MATK: variants seen among roughly 807,000 people sequenced by gnomAD.
MATK encodes megakaryocyte-associated tyrosine kinase, also known as megakaryocyte-associated tyrosine-protein kinase.
Under a neutral mutation model 59.8 loss-of-function variants are expected in MATK, and 41 were observed. The observed-to-expected ratio is 0.69, with a 90% confidence interval of 0.53 to 0.89. MATK has a LOEUF of 0.89. Among genes scored for constraint, MATK ranks in the 40% least tolerant of loss-of-function variants. MATK has a pLI of 0.00. For missense variants in MATK, 593 were observed against 719.6 expected (o/e 0.82, Z 2.01); for synonymous variants, 308 against 306.1 (o/e 1.01, Z -0.06).
chr19:3,789,137 G>A, upstream of MATK: 1 of 573,822 alleles, frequency 1.7e-6, no homozygotes, highest in South Asian at 2.1e-5. Context: ...AAAGGGCTGG[G>A]GACGCTGCAG....
chr19:3,791,327 C>A (rs909999680), upstream of MATK, among the ~76,000 whole-genome samples: 5 of 151,560 alleles, frequency 3.3e-5, no homozygotes, highest in Non-Finnish European at 7.4e-5. Flanking sequence ...CCAGTGGACA[C>A]AGTCATCTCT....
At chr19:3,781,699 G>C (rs780932610) in intron 7 of MATK, 27 bp from the exon 8 acceptor site, 19 of 1,594,248 alleles carry the variant, frequency 1.2e-5, no homozygotes, top group Non-Finnish European at 1.6e-5. Context: ...CAGTCAGAGG[G>C]GTAATGGGCC....
rs757154954 is a variant in MATK, at chr19:3,778,198, T to C, written c.1509A>G (p.Arg503=). 2 of 1,562,246 alleles carry C rather than the reference T, an allele frequency of 1.3e-6. No individual in the cohort carries two copies. The highest frequency in any genetic ancestry group is 1.7e-6 in the Non-Finnish European group (2 of 1,161,856). ...GQDADGSTSP[R]SQEP is the part of the protein sequence containing the mutation. ...CCGGGTGGGGTCAGGGCTCCTGGCT[T>C]CGGGGCGAGGTGGAGCCGTCGGCGT... Residue 503 remains arginine (R), a synonymous_variant, in exon 14 of 14, where the codon CGA becomes CGG. Transcript: ENST00000310132.
intron 8 of MATK, among the ~76,000 whole-genome samples, chr19:3,780,359 C>T (rs1014213073): frequency 6.6e-6 from 1 of 152,196 alleles, no homozygotes; most frequent in Non-Finnish European, 1.5e-5. Flanking sequence ...CCCTCGGGGC[C>T]AAATCTACCT....
intron 1 of MATK, among the ~76,000 whole-genome samples, chr19:3,798,347 G>T (rs577852761): frequency 6.6e-6 from 1 of 151,320 alleles, no homozygotes; most frequent in East Asian, 1.9e-4. Flanking sequence ...ACCACAGGGC[G>T]GCCTCACTGT....
At chr19:3,789,687 G>C (rs552269198), upstream of MATK, among the ~76,000 whole-genome samples, 3 of 151,936 alleles carry the variant, frequency 2.0e-5, no homozygotes, top group African/African-American at 7.2e-5. Flanking sequence ...GTAGCCTCAG[G>C]AGGGGGTGAG....
rs1282456980 is a variant in MATK at position 3,785,192 on chromosome 19, C to A, written c.-57G>T. 6.2e-7 allele frequency: 1 copy of A among 1,611,458 alleles called. No homozygotes were observed. Among genetic ancestry groups the A allele is most frequent in the Non-Finnish European group, 8.5e-7 (1 of 1,179,272 alleles). On this transcript the variant is annotated 5_prime_UTR_variant, in exon 2 of 14. Transcript: ENST00000310132. Reference sequence around the variant, plus strand: ...GGCACACTGAGCAAGTGGTCACAGTCGGGGACGCTGGGAATGGCCTGCCAC... The same window carrying A: ...GGCACACTGAGCAAGTGGTCACAGTAGGGGACGCTGGGAATGGCCTGCCAC...
chr19:3,794,460 T>C (rs768791689), intron 1 of MATK, among the ~76,000 whole-genome samples: 28 of 151,978 alleles, frequency 1.8e-4, no homozygotes, highest in Non-Finnish European at 3.2e-4. Flanking sequence ...TGGAGACCAG[T>C]CTGGCCAACA....
At chr19:3,786,434 C>T (rs2037486072), upstream of MATK, 1 of 976,742 alleles carries the variant, frequency 1.0e-6, no homozygotes, top group African/African-American at 1.8e-5. This position sits in a 1 kb window ranked among gnomAD's most constrained non-coding sequence, Gnocchi z 4.1. Context: ...GCCCCGCCTC[C>T]GCGGCCCCCG....
At chr19:3,782,982 C>A in intron 7 of MATK, 144 bp downstream of exon 7, 1 of 680,736 alleles carries the variant, frequency 1.5e-6, no homozygotes, top group Non-Finnish European at 2.5e-6. Context: ...ACCCCCGAGG[C>A]AGCCCAGGTC....
intron 6 of MATK, 98 bp downstream of exon 6, chr19:3,783,716 G>C (rs2037433495): frequency 8.9e-7 from 1 of 1,120,088 alleles, no homozygotes; most frequent in Non-Finnish European, 1.3e-6. Context: ...AGGGATGGAG[G>C]TCAGGTGACC....
At chr19:3,795,327 C>A (rs1475038383) in intron 1 of MATK, among the ~76,000 whole-genome samples, 20 of 147,136 alleles carry the variant, frequency 1.4e-4, no homozygotes, top group Non-Finnish European at 1.6e-4. Flanking sequence ...GGCTGGAATG[C>A]ATTAACGTGA....
chr19:3,792,485 T>C (rs996009418), intron 1 of MATK, among the ~76,000 whole-genome samples: 1 of 151,586 alleles, frequency 6.6e-6, no homozygotes, highest in African/African-American at 2.4e-5. Flanking sequence ...TTGTTCAGCC[T>C]TTTTCAGCAC....
intron 8 of MATK, among the ~76,000 whole-genome samples, chr19:3,781,027 C>A (rs1340041125): frequency 1.3e-5 from 2 of 152,196 alleles, no homozygotes; most frequent in African/African-American, 4.8e-5. Context: ...CCGTGCCTGG[C>A]TGGTTTTTGC....
At chr19:3,792,693 T>G (rs1461116573) in intron 1 of MATK, among the ~76,000 whole-genome samples, 1 of 152,074 alleles carries the variant, frequency 6.6e-6, no homozygotes, top group Non-Finnish European at 1.5e-5. Context: ...AATTTTTGTA[T>G]TTTTAGTAGA....
chr19:3,784,479 AG>A, intron 3 of MATK, 28 bp from the exon 4 acceptor site: 2 of 1,514,212 alleles, frequency 1.3e-6, no homozygotes, highest in Non-Finnish European at 9.0e-7. Context: ...AGAGGGGCAA[AG>A]GGAGGACATC....
At chr19:3,800,086 G>A (rs1401282128) in intron 1 of MATK, among the ~76,000 whole-genome samples, 3 of 150,518 alleles carry the variant, frequency 2.0e-5, no homozygotes, top group African/African-American at 7.3e-5. Context: ...AGCCTGCAGT[G>A]AGCCGAGATT....
Position 3,779,759 on chromosome 19 carries a change from C to A in MATK, c.781G>T (p.Val261Leu). The A allele has an allele frequency of 6.2e-7, 1 of 1,613,146 alleles. No individual in the cohort carries two copies. Among genetic ancestry groups the A allele is most frequent in the Non-Finnish European group, 8.5e-7 (1 of 1,179,960 alleles). ...GTCACATCACACTTGATATTCTTCA[C>A]GGCCACCTTTTGCCCCAGGTACTCA... The part of the protein sequence containing the change: ...QGEYLGQKVA[V>L]KNIKCDVTAQ... Residue 261 changes from valine to leucine, a missense_variant, in exon 9 of 14, where the codon GTG becomes TTG. Val to Leu is a conservative substitution (Grantham distance 32). Transcript: ENST00000310132.
At position 3,785,168 on chromosome 19, in the gene MATK, G is replaced by T. The variant is rs1253297467; in HGVS notation, c.-33C>A. The T allele has an allele frequency of 6.2e-7, 1 of 1,613,622 alleles. No homozygotes were observed. The highest frequency in any genetic ancestry group is 1.7e-5 in the Admixed American group (1 of 59,988). On this transcript the variant is annotated 5_prime_UTR_variant, in exon 2 of 14. Coordinates refer to ENST00000310132, the MANE Select transcript of MATK (RefSeq NM_139355.3). ...AGAGGGAAACTGAGGCAGGTGAGAG[G>T]CACACTGAGCAAGTGGTCACAGTCG...
Sources: allele counts gnomAD v4.1 joint callset (sites outside exome capture counted in the v4.1 genomes callset), GRCh38; gene constraint gnomAD v4.1.1; non-coding constraint Gnocchi (gnomAD v3.1); transcripts MANE v1.5; gene names NCBI Gene and HGNC (gene_info 2026-07-23, HGNC 2026-07-21).